Variants in GNE observed in about 807,000 individuals in gnomAD.
The protein encoded by GNE is bifunctional UDP-N-acetylglucosamine 2-epimerase/N-acetylmannosamine kinase.
A neutral mutation model predicts 61.8 loss-of-function variants in GNE; 41 were observed. The observed-to-expected ratio is 0.66, with a 90% CI of 0.52 to 0.86. The LOEUF is 0.86. Ranked by LOEUF, GNE falls within the 40% of genes least tolerant of loss-of-function variation. GNE has a pLI of 0.00. For synonymous variants in GNE, 264 were observed against 326.4 expected (o/e 0.81, Z 2.06); for missense variants, 608 against 909.1 (o/e 0.67, Z 4.26).
At chr9:36,275,910 C>A (rs536039346) in intron 1 of GNE, among the ~76,000 whole-genome samples, 23 of 152,290 alleles carry the variant, frequency 1.5e-4, no homozygotes, top group African/African-American at 5.1e-4. Flanking sequence ...AGGGGCTCAA[C>A]GCCTGTAATC....
intron 6 of GNE, among the ~76,000 whole-genome samples, 174 bp from the exon 7 acceptor site, chr9:36,227,632 G>A (rs1039517491): frequency 4.6e-5 from 7 of 152,114 alleles, no homozygotes; most frequent in African/African-American, 1.7e-4. Context: ...CCAGCACTTT[G>A]GGGGGCTGAG....
intron 1 of GNE, among the ~76,000 whole-genome samples, chr9:36,250,120 C>T (rs565677632): frequency 6.6e-6 from 1 of 152,190 alleles, no homozygotes; most frequent in South Asian, 2.1e-4. Flanking sequence ...TGATCTAGTT[C>T]AACTCCATCA....
At chr9:36,275,614 G>A (rs1246376119) in intron 1 of GNE, among the ~76,000 whole-genome samples, 1 of 152,108 alleles carries the variant, frequency 6.6e-6, no homozygotes, top group African/African-American at 2.4e-5. Context: ...AAAATGGATG[G>A]AGAGATGAGT....
chr9:36,236,845 T>TGGAAACA lies in GNE; in HGVS notation c.749_755dup (p.Asn253ValfsTer5). On this transcript the variant is annotated frameshift_variant, in exon 4 of 12. Transcript: ENST00000642385. LOFTEE classifies it high-confidence loss of function. ...AAGTTCAATTACCTGCGTCAATATT[T>TGGAAACA]GGAAACAGGACTAGGGTCCGCTTGT... is the stretch of plus-strand genomic sequence containing the variant. 6.2e-7 allele frequency: 1 copy of TGGAAACA among 1,613,942 alleles called. No homozygotes were observed.
chr9:36,256,283 C>T lies in GNE; in HGVS notation c.-43+2038G>A, dbSNP rs375699176. Among the ~76,000 whole-genome samples, 535 of 130,808 alleles carry T rather than the reference C, an allele frequency of 4.1e-3. 8 individuals are homozygous for T. Among genetic ancestry groups the T allele is most frequent in the African/African-American group, 0.014 (480 of 33,314 alleles). 85.8% of individuals were successfully genotyped at this position (130,808 alleles called of 152,430 possible). On this transcript the variant is annotated intron_variant, in intron 1 of 11. Coordinates refer to ENST00000642385, the MANE Select transcript of GNE (RefSeq NM_005476.7). ...TTTTTTTTTGAGACAGACAGCCTGT[C>T]GCCCAGGCTGGAGTGCAGTGGTGCA... is the stretch of plus-strand genomic sequence containing the variant.
rs1204870772 is a variant in GNE at position 36,218,696 on chromosome 9, GGC to G, written c.1817-399_1817-398del. ...CATCTGCCAGCGCCACGCGTTCTAT[GGC>G]AGCGAGGCACAGTGGCTGAGGAACA... On this transcript the variant is annotated intron_variant, in intron 10 of 11. Transcript: ENST00000642385. The surrounding 1 kb of genome is among the most constrained non-coding windows in gnomAD (Gnocchi z 4.1). Among the ~76,000 whole-genome samples, 3 of 152,180 alleles carry G rather than the reference GGC, an allele frequency of 2.0e-5. No individual in the cohort carries two copies. The highest frequency in any genetic ancestry group is 2.0e-4 in the Admixed American group (3 of 15,280).
chr9:36,272,962 G>A (rs1451158351), intron 1 of GNE, among the ~76,000 whole-genome samples: 1 of 149,788 alleles, frequency 6.7e-6, no homozygotes, highest in Non-Finnish European at 1.5e-5. Context: ...GCGTGCGCCT[G>A]TAGTCCCAGC....
intron 1 of GNE, chr9:36,276,830 T>C (rs1831278662): frequency 8.1e-7 from 1 of 1,241,850 alleles, no homozygotes. Flanking sequence ...ATTTTCCTTT[T>C]TCCCCCCTTT....
chr9:36,246,344 G>C lies in GNE; in HGVS notation c.303C>G (p.Arg101=). The stretch of plus-strand genomic sequence containing the variant: ...GAACAATCATGATATCAGGCTTCAG[G>C]CGATTAAGGACATCTGGCAGCTTCA... The part of the protein sequence containing the change: ...ALVKLPDVLN[R]LKPDIMIVHG... The change falls in exon 3 of 12, where the codon CGC becomes CGG. Residue 101 remains arginine (R), a synonymous_variant. Transcript: ENST00000642385. The C allele has an allele frequency of 6.2e-7, 1 of 1,614,088 alleles. No individual in the cohort carries two copies. Among genetic ancestry groups the C allele is most frequent in the Non-Finnish European group, 8.5e-7 (1 of 1,179,958 alleles).
intron 1 of GNE, among the ~76,000 whole-genome samples, chr9:36,257,249 C>G (rs1830393973): frequency 6.6e-6 from 1 of 152,128 alleles, no homozygotes; most frequent in Non-Finnish European, 1.5e-5. Flanking sequence ...TCCATGAGTA[C>G]AAATCTTCCT....
At chr9:36,270,107 A>T (rs2133195614) in intron 1 of GNE, among the ~76,000 whole-genome samples, 1 of 152,152 alleles carries the variant, frequency 6.6e-6, no homozygotes, top group South Asian at 2.1e-4. Flanking sequence ...GACTTAAAGC[A>T]CATGCCACCA....
chr9:36,259,007 CGA>C (rs530050118), upstream of GNE, among the ~76,000 whole-genome samples: 24 of 152,240 alleles, frequency 1.6e-4, no homozygotes, highest in South Asian at 5.0e-3. Context: ...CAGCCAGTCC[CGA>C]GGCCTAGGGA....
intron 7 of GNE, 34 bp from the exon 8 acceptor site, chr9:36,223,536 G>A (rs1294396722): frequency 1.9e-6 from 3 of 1,583,022 alleles, no homozygotes; most frequent in East Asian, 4.5e-5. Context: ...CGTCTTACTG[G>A]TCTTAGCTAA....
chr9:36,221,974 C>A (rs73441266), intron 9 of GNE, among the ~76,000 whole-genome samples: 1 of 152,140 alleles, frequency 6.6e-6, no homozygotes, highest in East Asian at 1.9e-4. Context: ...CAGTACCTGA[C>A]GGGGCAGGAC....
intron 5 of GNE, 195 bp downstream of exon 5, chr9:36,233,725 G>A (rs1018245220): frequency 3.8e-5 from 25 of 657,066 alleles, no homozygotes; most frequent in Non-Finnish European, 5.5e-5. Flanking sequence ...ACAATAAAAT[G>A]TAAGTAGAGA....
intron 3 of GNE, among the ~76,000 whole-genome samples, chr9:36,240,272 A>G (rs901257708): frequency 1.3e-5 from 2 of 152,184 alleles, no homozygotes; most frequent in African/African-American, 4.8e-5. Context: ...ACTTTTCCCC[A>G]TTCAGTATTA....
At chr9:36,221,825 A>C (rs1352233730) in intron 9 of GNE, among the ~76,000 whole-genome samples, 1 of 152,134 alleles carries the variant, frequency 6.6e-6, no homozygotes, top group Non-Finnish European at 1.5e-5. Context: ...AAAACAAAAC[A>C]AAACCAGCTG....
chr9:36,257,724 A>G (rs1312763543), intron 1 of GNE, among the ~76,000 whole-genome samples: 1 of 140,270 alleles, frequency 7.1e-6, no homozygotes, highest in African/African-American at 2.7e-5. Flanking sequence ...AATGGCGTGA[A>G]CCTGGGAGGC....
In GNE at chr9:36,233,884, A is replaced by G. The variant is rs776886501; in HGVS notation, c.982+36T>C. ...CTTATAACAACTCACGTATGTATAA[A>G]GCCTAGTCAGTTGAAGTATGAGCAA... On this transcript the variant is annotated intron_variant, in intron 5 of 11. Transcript: ENST00000642385. 3 of 1,472,538 alleles carry G rather than the reference A, an allele frequency of 2.0e-6. No homozygotes were observed. In the African/African-American group the frequency reaches 4.2e-5, roughly 20 times the overall value. 91.2% of individuals were successfully genotyped at this position (1,472,538 alleles called of 1,614,324 possible).
Sources: gnomAD v4.1 joint callset for allele counts (sites outside exome capture counted in the v4.1 genomes callset) on GRCh38, gnomAD v4.1.1 for gene constraint, Gnocchi (gnomAD v3.1) non-coding constraint, MANE v1.5 for transcripts, NCBI Gene and HGNC (gene_info 2026-07-23, HGNC 2026-07-21) for gene names.